CCDC150: variants seen among roughly 807,000 people sequenced by gnomAD.
CCDC150 encodes coiled-coil domain-containing protein 150.
Under a neutral mutation model 156.5 loss-of-function variants are expected in CCDC150, and 151 were observed. The ratio of observed to expected loss-of-function variants is 0.97; its 90% confidence interval spans 0.85 to 1.10. The LOEUF is 1.10. CCDC150 is among the 50% of genes least tolerant of loss of function. The pLI, the probability that CCDC150 is intolerant of heterozygous loss-of-function variation, is 0.00. For missense variants in CCDC150, 1,312 were observed against 1,268.1 expected (o/e 1.03, Z -0.53); for synonymous variants, 452 against 429.4 (o/e 1.05, Z -0.65).
intron 4 of CCDC150, among the ~76,000 whole-genome samples, chr2:196,657,994 C>T (rs1444833510): frequency 6.6e-6 from 1 of 152,104 alleles, no homozygotes; most frequent in East Asian, 1.9e-4. Flanking sequence ...TATTAGCTAG[C>T]AATGACATTA....
chr2:196,675,244 A>C (rs1394641241), intron 10 of CCDC150, among the ~76,000 whole-genome samples: 1 of 152,156 alleles, frequency 6.6e-6, no homozygotes, highest in African/African-American at 2.4e-5. Flanking sequence ...TACTCAATAA[A>C]TACTTAGTTT....
chr2:196,706,725 A>G (rs892555047), intron 15 of CCDC150, among the ~76,000 whole-genome samples: 4 of 152,090 alleles, frequency 2.6e-5, no homozygotes, highest in African/African-American at 9.7e-5. Context: ...TAGCAGGAAG[A>G]GTTGTTGAAT....
chr2:196,646,293 T>G (rs749975484), intron 1 of CCDC150, 48 bp from the exon 2 acceptor site: 2 of 1,565,626 alleles, frequency 1.3e-6, no homozygotes, highest in South Asian at 2.3e-5. Flanking sequence ...TGACTATTTT[T>G]GAACAATAAT....
chr2:196,725,250 C>T (rs1698145324), intron 21 of CCDC150, among the ~76,000 whole-genome samples: 1 of 152,146 alleles, frequency 6.6e-6, no homozygotes, highest in Admixed American at 6.5e-5. Context: ...AAGTCATTAT[C>T]AGCTAGATCA....
rs397987214 is a variant in CCDC150 at position 196,671,427 on chromosome 2, C to CTTTT, written c.937-901_937-898dup. ...GCACATTTTTCTTTCTTTTCTCTCT[C>CTTTT]TTTTTTTTTTTTTTTTTTTTGAGAC... is the stretch of plus-strand genomic sequence containing the variant. On this transcript the variant is annotated intron_variant, in intron 8 of 27. Coordinates refer to ENST00000389175, the MANE Select transcript of CCDC150 (RefSeq NM_001080539.2). Among the ~76,000 whole-genome samples, 150 of 108,652 alleles carry CTTTT rather than the reference C, an allele frequency of 1.4e-3. 1 individual carries two copies. Among genetic ancestry groups the CTTTT allele is most frequent in the East Asian group, 2.3e-3 (8 of 3,434 alleles). 71.3% of individuals were successfully genotyped at this position (108,652 alleles called of 152,430 possible).
At chr2:196,705,669 GT>G (rs1260737915) in intron 15 of CCDC150, among the ~76,000 whole-genome samples, 1 of 152,140 alleles carries the variant, frequency 6.6e-6, no homozygotes, top group African/African-American at 2.4e-5. Context: ...TTCTTCTAGG[GT>G]TTTTATGGTT....
chr2:196,660,403 G>C (rs150108834), intron 5 of CCDC150, among the ~76,000 whole-genome samples: 97 of 152,320 alleles, frequency 6.4e-4, no homozygotes, highest in Non-Finnish European at 1.0e-3. Flanking sequence ...CTGTCTTGCA[G>C]AATGACTGTA....
chr2:196,646,684 G>GCTA (rs1692563036), intron 2 of CCDC150, among the ~76,000 whole-genome samples, 180 bp downstream of exon 2: 1 of 152,220 alleles, frequency 6.6e-6, no homozygotes, highest in Middle Eastern at 3.4e-3. Flanking sequence ...TAGAGCTAGA[G>GCTA]CTACTATCAC....
Position 196,701,102 on chromosome 2 carries a change from T to C in CCDC150, c.1624-7T>C. 4 of 1,603,152 alleles carry C rather than the reference T, an allele frequency of 2.5e-6. No homozygotes were observed. Among genetic ancestry groups the C allele is most frequent in the Non-Finnish European group, 3.4e-6 (4 of 1,174,722 alleles). On this transcript the variant is annotated splice_region_variant and splice_polypyrimidine_tract_variant and intron_variant, in intron 14 of 27. Coordinates refer to ENST00000389175, the MANE Select transcript of CCDC150 (RefSeq NM_001080539.2). ...AGAGGTTCTGATGCCTTTGTTTGCC[T>C]TATCAGCTTGCCCAACAGAAGGTGG...
At position 196,676,349 on chromosome 2, in the gene CCDC150, C is replaced by T. The variant is rs550630771; in HGVS notation, c.1262+82C>T. On this transcript the variant is annotated intron_variant, in intron 11 of 27. Transcript: ENST00000389175. ...TATCATGTGTCCGTCTCAGTCTTAT[C>T]GTCAATGAAAACATTTGATTCTGCA... The T allele has an allele frequency of 5.8e-5, 88 of 1,517,678 alleles. 2 individuals carry two copies. In the South Asian group the frequency reaches 8.7e-4, roughly 15 times the overall value. 94.0% of individuals were successfully genotyped at this position (1,517,678 alleles called of 1,614,324 possible). A position where few individuals can be genotyped will look rare whatever the true frequency, so the allele number is the denominator to read the frequency against.
rs574602727 is a variant in CCDC150, at chr2:196,654,096, T to C, written c.177-2537T>C. On this transcript the variant is annotated intron_variant, in intron 2 of 27. Transcript: ENST00000389175. Reference sequence around the variant, plus strand: ...CACTCATTGCCAAGACATTCATGAGTGAGCTGCCCCATGACCCAAACAGCT... The same window carrying C: ...CACTCATTGCCAAGACATTCATGAGCGAGCTGCCCCATGACCCAAACAGCT... Among the ~76,000 whole-genome samples, 31 of 152,204 alleles carry C rather than the reference T, an allele frequency of 2.0e-4. No individual in the cohort carries two copies. The South Asian group carries it at 6.2e-3, about 31-fold the overall frequency.
chr2:196,641,119 C>T (rs973339560), intron 1 of CCDC150, among the ~76,000 whole-genome samples: 15 of 150,902 alleles, frequency 9.9e-5, no homozygotes, highest in Non-Finnish European at 2.1e-4. Context: ...CACGCCACCA[C>T]GCCCGGCTAA....
intron 14 of CCDC150, among the ~76,000 whole-genome samples, chr2:196,698,767 G>A (rs1695982410): frequency 6.6e-6 from 1 of 152,100 alleles, no homozygotes; most frequent in Non-Finnish European, 1.5e-5. Flanking sequence ...GTATACATGT[G>A]CCACGTTGGT....
rs998698810 is a variant in CCDC150 at position 196,647,517 on chromosome 2, T to C, written c.176+1013T>C. 4.6e-5 allele frequency among the ~76,000 whole-genome samples: 7 copies of C among 152,152 alleles called. No individual in the cohort carries two copies. The East Asian group carries it at 7.7e-4, about 17-fold the overall frequency. On this transcript the variant is annotated intron_variant, in intron 2 of 27. Transcript: ENST00000389175. Reference sequence around the variant, plus strand: ...TTAAAAAGTCAGTGGTCCTCACTTATCACACATTGGCCTCATCTTTACCTA... The same window carrying C: ...TTAAAAAGTCAGTGGTCCTCACTTACCACACATTGGCCTCATCTTTACCTA...
At position 196,732,451 on chromosome 2, in the gene CCDC150, A is replaced by G; in HGVS notation, c.3195A>G (p.Gln1065=). Residue 1065 remains glutamine (Q), a synonymous_variant, in exon 28 of 28, where the codon CAA becomes CAG. Coordinates refer to ENST00000389175, the MANE Select transcript of CCDC150 (RefSeq NM_001080539.2). ...GTGTGTTTTCTTTCCAACAGGACCA[A>G]GATGTAAAACATGATGTCATGTCCA... ...SGEDRWQEKD[Q]DVKHDVMSNQ... is the part of the protein sequence containing the mutation. 2 of 1,611,428 alleles carry G rather than the reference A, an allele frequency of 1.2e-6. 1 individual carries two copies. Among genetic ancestry groups the G allele is most frequent in the South Asian group, 2.2e-5 (2 of 91,058 alleles).
intron 14 of CCDC150, among the ~76,000 whole-genome samples, chr2:196,696,591 G>A (rs1030345859): frequency 6.6e-6 from 1 of 152,152 alleles, no homozygotes; most frequent in Non-Finnish European, 1.5e-5. Flanking sequence ...CTTGATTACA[G>A]GTTCCCAATG....
At position 196,726,036 on chromosome 2, in the gene CCDC150, A is replaced by G. The variant is rs1698191018; in HGVS notation, c.2493A>G (p.Leu831=). 7 of 1,611,622 alleles carry G rather than the reference A, an allele frequency of 4.3e-6. No homozygotes were observed. The highest frequency in any genetic ancestry group is 1.1e-5 in the South Asian group (1 of 90,252). ...AELHAERIEA[L]RKQFQTERET... Reference sequence around the variant, plus strand: ...TGCATGCTGAACGCATAGAAGCTCTAAGAAAGCAGTTTCAAACCGAGAGAG... The same window carrying G: ...TGCATGCTGAACGCATAGAAGCTCTGAGAAAGCAGTTTCAAACCGAGAGAG... Residue 831 remains leucine (L), a synonymous_variant, in exon 22 of 28, where the codon CTA becomes CTG. Coordinates refer to ENST00000389175, the MANE Select transcript of CCDC150 (RefSeq NM_001080539.2).
chr2:196,709,598 G>T (rs1310109880), intron 15 of CCDC150, among the ~76,000 whole-genome samples: 3 of 152,152 alleles, frequency 2.0e-5, no homozygotes, highest in East Asian at 1.9e-4. Flanking sequence ...CTGGTTTTTA[G>T]AATTTTCAGC....
intron 15 of CCDC150, among the ~76,000 whole-genome samples, chr2:196,710,925 TTTC>T (rs1039302414): frequency 1.3e-5 from 2 of 152,088 alleles, no homozygotes; most frequent in Non-Finnish European, 2.9e-5. Flanking sequence ...GTCTGAAAGA[TTTC>T]CAGCATTTTT....
Sources: gnomAD v4.1 joint callset for allele counts (sites outside exome capture counted in the v4.1 genomes callset) on GRCh38, gnomAD v4.1.1 for gene constraint, MANE v1.5 for transcripts, NCBI Gene and HGNC (gene_info 2026-07-23, HGNC 2026-07-21) for gene names.